Variants in PTK2B observed in about 807,000 individuals in gnomAD.
PTK2B encodes the protein protein tyrosine kinase 2 beta.
Under a neutral mutation model 142.9 loss-of-function variants are expected in PTK2B, and 71 were observed. The ratio of observed to expected loss-of-function variants is 0.50; its 90% confidence interval spans 0.41 to 0.61. The LOEUF is 0.61. Ranked by LOEUF, PTK2B falls within the 20% of genes least tolerant of loss-of-function variation. The pLI is 0.00. For missense variants in PTK2B, 1,105 were observed against 1,320.4 expected (o/e 0.84, Z 2.53); for synonymous variants, 519 against 503.4 (o/e 1.03, Z -0.42).
rs756673710 is a variant in PTK2B at position 27,437,837 on chromosome 8, T to C, written c.1600T>C (p.Cys534Arg). 1 of 1,613,558 alleles carries C rather than the reference T, an allele frequency of 6.2e-7. No individual in the cohort carries two copies. The highest frequency in any genetic ancestry group is 1.7e-5 in the Admixed American group (1 of 59,936). The change falls in exon 18 of 31, where the codon TGC becomes CGC. Residue 534 changes from cysteine to arginine, a missense_variant. Physicochemically the swap from Cys to Arg is radical, Grantham distance 180 (BLOSUM62 -3). Coordinates refer to ENST00000346049, the MANE Select transcript of PTK2B (RefSeq NM_173176.3). ...CCTCGTGCTGTACTCACTGCAGATA[T>C]GCAAAGCCATGGCCTACCTGGAGAG... ...LTLVLYSLQICKAMAYLESIN... is the reference protein window; with the variant it reads ...LTLVLYSLQIRKAMAYLESIN...
intron 1 of PTK2B, among the ~76,000 whole-genome samples, chr8:27,383,536 G>A (rs1807156681): frequency 6.6e-6 from 1 of 152,078 alleles, no homozygotes; most frequent in Admixed American, 6.5e-5. Context: ...TGGGATTACA[G>A]GTGTGAGCCA....
chr8:27,379,054 C>T (rs1181278220), intron 1 of PTK2B, among the ~76,000 whole-genome samples: 3 of 152,182 alleles, frequency 2.0e-5, no homozygotes, highest in African/African-American at 7.2e-5. Flanking sequence ...ATTCTGACTG[C>T]CCTGTTCCCA....
At chr8:27,416,717 A>G (rs1809421590) in intron 2 of PTK2B, among the ~76,000 whole-genome samples, 1 of 152,196 alleles carries the variant, frequency 6.6e-6, no homozygotes, top group Admixed American at 6.5e-5. Context: ...TACATCATAC[A>G]AAATACTTTT....
At chr8:27,329,592 G>T (rs1007168168) in intron 1 of PTK2B, among the ~76,000 whole-genome samples, 2 of 152,160 alleles carry the variant, frequency 1.3e-5, no homozygotes, top group African/African-American at 4.8e-5. Flanking sequence ...TGGAGTAGAG[G>T]TGCAGAGCTG....
intron 7 of PTK2B, 125 bp from the exon 8 acceptor site, chr8:27,430,751 G>A: frequency 1.5e-6 from 2 of 1,352,666 alleles, no homozygotes; most frequent in Non-Finnish European, 2.0e-6. Context: ...GATCACAGCT[G>A]CTTTTGGGGC....
chr8:27,430,916 A>C lies in PTK2B; in HGVS notation c.710A>C (p.Gln237Pro). ...AAGATGATCCAGCAGACCTTCCAGCAGTACGCCTCGCTCAGGGAGGAGGAG... is the reference window on the plus strand; with the variant it reads ...AAGATGATCCAGCAGACCTTCCAGCCGTACGCCTCGCTCAGGGAGGAGGAG... Reference protein sequence around the residue: ...FRKMIQQTFQQYASLREEECV... With the variant: ...FRKMIQQTFQPYASLREEECV... Residue 237 changes from glutamine to proline, a missense_variant, in exon 8 of 31, where the codon CAG becomes CCG. Coordinates refer to ENST00000346049, the MANE Select transcript of PTK2B (RefSeq NM_173176.3). The C allele has an allele frequency of 6.2e-7, 1 of 1,614,232 alleles. No homozygotes were observed. Among genetic ancestry groups the C allele is most frequent in the South Asian group, 1.1e-5 (1 of 91,088 alleles).
At chr8:27,455,150 C>G (rs1812070632) in intron 30 of PTK2B, among the ~76,000 whole-genome samples, 1 of 152,060 alleles carries the variant, frequency 6.6e-6, no homozygotes, top group Non-Finnish European at 1.5e-5. Flanking sequence ...GCAAAAGAGA[C>G]TTTGCAAATG....
intron 30 of PTK2B, among the ~76,000 whole-genome samples, chr8:27,457,846 G>T (rs375189332): frequency 1.3e-5 from 2 of 152,008 alleles, no homozygotes; most frequent in Admixed American, 1.3e-4. Flanking sequence ...GTAATTGCAG[G>T]TGCCTGTAAT....
intron 1 of PTK2B, among the ~76,000 whole-genome samples, chr8:27,394,113 C>T (rs1807894021): frequency 1.3e-5 from 2 of 152,168 alleles, no homozygotes; most frequent in African/African-American, 2.4e-5. Flanking sequence ...CTGAATACTG[C>T]AGGTAATTAT....
intron 1 of PTK2B, among the ~76,000 whole-genome samples, chr8:27,344,093 T>G (rs1488497036): frequency 2.0e-5 from 3 of 152,154 alleles, no homozygotes; most frequent in Non-Finnish European, 2.9e-5. Context: ...GAGAAAGGAC[T>G]CCTAGACTCA....
At chr8:27,375,600 G>A (rs1022758609) in intron 1 of PTK2B, among the ~76,000 whole-genome samples, 1 of 152,166 alleles carries the variant, frequency 6.6e-6, no homozygotes, top group African/African-American at 2.4e-5. Flanking sequence ...ATCCTACAGT[G>A]CTCTCATTGA....
chr8:27,458,268 A>G (rs376493958), intron 30 of PTK2B, 26 bp from the exon 31 acceptor site: 129 of 1,605,884 alleles, frequency 8.0e-5, no homozygotes, highest in Middle Eastern at 3.3e-4. Context: ...TGGCCTCTCA[A>G]CCTGTCCTGT....
intron 2 of PTK2B, among the ~76,000 whole-genome samples, chr8:27,312,558 G>A (rs888095763): frequency 6.6e-6 from 1 of 152,204 alleles, no homozygotes; most frequent in East Asian, 1.9e-4. Context: ...TCATCTTTTA[G>A]CAGTATTCAT....
chr8:27,450,703 A>G, intron 24 of PTK2B, 46 bp from the exon 25 acceptor site: 1 of 1,610,448 alleles, frequency 6.2e-7, no homozygotes, highest in Non-Finnish European at 8.5e-7. Context: ...TGAGTCTGAG[A>G]GCAGGGCTCA....
intron 5 of PTK2B, 22 bp downstream of exon 5, chr8:27,422,405 G>A (rs753925397): frequency 1.9e-6 from 3 of 1,593,354 alleles, no homozygotes; most frequent in Non-Finnish European, 1.7e-6. Context: ...TGAGGCCTCT[G>A]CTGGGAGGGC....
chr8:27,437,608 G>T, intron 17 of PTK2B, 112 bp downstream of exon 17: 1 of 1,201,554 alleles, frequency 8.3e-7, no homozygotes, highest in South Asian at 1.4e-5. Context: ...ATAAGCCAGA[G>T]GCCCTGTTTG....
Position 27,372,647 on chromosome 8 carries a change from T to C in PTK2B, c.-37-24901T>C, listed in dbSNP as rs374446397. On this transcript the variant is annotated intron_variant, in intron 1 of 30. Coordinates refer to ENST00000346049, the MANE Select transcript of PTK2B (RefSeq NM_173176.3). ...CTGGGTACTCCATAGCCCAGTCAAG[T>C]TGATACAGAAAATTAACCATGACAG... Among the ~76,000 whole-genome samples the C allele has an allele frequency of 3.9e-5, 6 of 152,290 alleles. No homozygotes were observed. The East Asian group carries it at 9.7e-4, about 25-fold the overall frequency.
chr8:27,377,368 G>A (rs185789278), intron 1 of PTK2B, among the ~76,000 whole-genome samples: 1 of 152,310 alleles, frequency 6.6e-6, no homozygotes, highest in African/African-American at 2.4e-5. Flanking sequence ...GGGAAAGATA[G>A]TGCTAACATG....
intron 1 of PTK2B, among the ~76,000 whole-genome samples, chr8:27,353,217 A>C (rs986035283): frequency 6.6e-6 from 1 of 152,230 alleles, no homozygotes; most frequent in Non-Finnish European, 1.5e-5. Flanking sequence ...TAAGTTTGCC[A>C]TAAGCTACAT....
Sources: gnomAD v4.1 joint callset for allele counts (sites outside exome capture counted in the v4.1 genomes callset) on GRCh38, gnomAD v4.1.1 for gene constraint, MANE v1.5 for transcripts, NCBI Gene and HGNC (gene_info 2026-07-23, HGNC 2026-07-21) for gene names.